SLC9B2: variants seen among roughly 807,000 people sequenced by gnomAD.
The protein encoded by SLC9B2 is sodium/hydrogen exchanger 9B2.
A neutral mutation model predicts 52.2 loss-of-function variants in SLC9B2; 39 were observed. The ratio of observed to expected loss-of-function variants is 0.75; its 90% CI spans 0.58 to 0.98. SLC9B2 has a LOEUF of 0.98. Ranked by LOEUF, SLC9B2 falls within the 50% of genes least tolerant of loss-of-function variation. The pLI is 0.00. For synonymous variants in SLC9B2, 214 were observed against 227.0 expected, an observed-to-expected ratio of 0.94 and a Z score of 0.51; for missense variants, 626 against 637.5, an observed-to-expected ratio of 0.98 and a Z score of 0.19.
chr4:103,066,153 A>C (rs1215752496), intron 3 of SLC9B2, among the ~76,000 whole-genome samples, 174 bp downstream of exon 3: 1 of 152,210 alleles, frequency 6.6e-6, no homozygotes, highest in African/African-American at 2.4e-5. Context: ...CTGTTAGTCT[A>C]GGTCCTTCCC....
intron 4 of SLC9B2, among the ~76,000 whole-genome samples, chr4:103,054,420 G>T (rs115890297): frequency 2.5e-3 from 380 of 152,294 alleles, no homozygotes; most frequent in African/African-American, 8.2e-3. Context: ...ATTAGAATTT[G>T]TATTTTAACA....
intron 1 of SLC9B2, 93 bp from the exon 2 acceptor site, chr4:103,067,685 C>A: frequency 2.8e-6 from 2 of 701,974 alleles, no homozygotes; most frequent in Non-Finnish European, 4.9e-6. Flanking sequence ...CCTAAAAATT[C>A]CGAATGGCTA....
chr4:103,044,004 T>C (rs963014677), intron 8 of SLC9B2, among the ~76,000 whole-genome samples: 2 of 152,200 alleles, frequency 1.3e-5, no homozygotes, highest in African/African-American at 4.8e-5. Flanking sequence ...GCTGTTGTTT[T>C]AAAGTCTAAG....
intron 4 of SLC9B2, among the ~76,000 whole-genome samples, chr4:103,051,990 A>G (rs754603870): frequency 2.0e-5 from 3 of 152,246 alleles, no homozygotes; most frequent in Non-Finnish European, 4.4e-5. Flanking sequence ...GTTTTTCATT[A>G]TAAACAGTGC....
chr4:103,020,398 G>A, downstream of SLC9B2: 1 of 424,034 alleles, frequency 2.4e-6, no homozygotes, highest in Non-Finnish European at 4.6e-6. Context: ...TCCTATAAAA[G>A]ACAAAAACAA....
chr4:103,028,056 TAC>T (rs1742380446), intron 11 of SLC9B2, among the ~76,000 whole-genome samples: 1 of 152,182 alleles, frequency 6.6e-6, no homozygotes. Flanking sequence ...TCATAATCTA[TAC>T]AGTTCTAACT....
chr4:103,047,025 A>AG, intron 7 of SLC9B2, 26 bp downstream of exon 7: 1 of 1,604,970 alleles, frequency 6.2e-7, no homozygotes, highest in South Asian at 1.1e-5. Flanking sequence ...GCAAGAGTAA[A>AG]GCCTGTTGTG....
chr4:103,053,003 G>A (rs1744825544), intron 4 of SLC9B2, among the ~76,000 whole-genome samples: 1 of 152,058 alleles, frequency 6.6e-6, no homozygotes, highest in African/African-American at 2.4e-5. Flanking sequence ...CCCTGGTCAT[G>A]GAGGAAAGAA....
At position 103,076,394 on chromosome 4, in the gene SLC9B2, C is replaced by G. The variant is rs530779745; in HGVS notation, c.-253G>C. ...GTCGGCCCCGCCTTTCGCACGAACC[C>G]GCTGGGCGACACCGCGCAGGGAGGT... is the stretch of plus-strand genomic sequence containing the variant. On this transcript the variant is annotated 5_prime_UTR_variant, in exon 1 of 12. Transcript: ENST00000394785. 1 of 152,452 alleles carries G rather than the reference C, an allele frequency of 6.6e-6. No homozygotes were observed. The highest frequency in any genetic ancestry group is 1.9e-4 in the East Asian group (1 of 5,182). The allele number at this position is 152,452 out of a possible 1,614,324, so 9.4% of individuals were successfully genotyped here. A position where few individuals can be genotyped will look rare whatever the true frequency, so the allele number is the denominator to read the frequency against.
rs1484214703 is a variant in SLC9B2 at position 103,022,581 on chromosome 4, T to G, written c.*3789A>C. Among the ~76,000 whole-genome samples the G allele has an allele frequency of 1.3e-5, 2 of 152,252 alleles. No individual in the cohort carries two copies. The highest frequency in any genetic ancestry group is 2.9e-5 in the Non-Finnish European group (2 of 68,042). On this transcript the variant is annotated 3_prime_UTR_variant, in exon 12 of 12. Transcript: ENST00000394785. Reference sequence around the variant, plus strand: ...TTACTTTATAATCAGAAAAAAATACTATTTTTAAAGAATGTAGTGGATGAG... The same window carrying G: ...TTACTTTATAATCAGAAAAAAATACGATTTTTAAAGAATGTAGTGGATGAG...
chr4:103,028,605 A>G, intron 11 of SLC9B2, 142 bp downstream of exon 11: 1 of 1,047,146 alleles, frequency 9.5e-7, no homozygotes, highest in Non-Finnish European at 1.3e-6. Context: ...CAGGTTTTAA[A>G]GAATAGATTA....
chr4:103,073,830 C>A (rs570936137), intron 1 of SLC9B2, among the ~76,000 whole-genome samples: 1 of 152,296 alleles, frequency 6.6e-6, no homozygotes, highest in Non-Finnish European at 1.5e-5. Context: ...TCTACAGAGA[C>A]CGAATCTACC....
chr4:103,046,937 G>T, intron 7 of SLC9B2, 114 bp downstream of exon 7: 2 of 1,236,424 alleles, frequency 1.6e-6, no homozygotes, highest in Non-Finnish European at 2.3e-6. Flanking sequence ...GTGTTCTTTT[G>T]CCTATTTTTA....
chr4:103,058,922 C>T (rs1745393243), intron 3 of SLC9B2, among the ~76,000 whole-genome samples: 1 of 151,984 alleles, frequency 6.6e-6, no homozygotes, highest in Non-Finnish European at 1.5e-5. Flanking sequence ...TAAAAATTAT[C>T]TGGGTATGGT....
intron 5 of SLC9B2, among the ~76,000 whole-genome samples, chr4:103,049,751 C>T (rs1744498677): frequency 6.6e-6 from 1 of 152,174 alleles, no homozygotes; most frequent in Non-Finnish European, 1.5e-5. Flanking sequence ...GTGGCTCATG[C>T]CTGTAATCCT....
At chr4:103,071,353 A>C (rs1393541403) in intron 1 of SLC9B2, among the ~76,000 whole-genome samples, 1 of 147,668 alleles carries the variant, frequency 6.8e-6, no homozygotes, top group Non-Finnish European at 1.5e-5. Context: ...AGAGGCATGC[A>C]CCACCACGCC....
chr4:103,060,225 T>C (rs901180126), intron 3 of SLC9B2, among the ~76,000 whole-genome samples: 6 of 152,020 alleles, frequency 3.9e-5, no homozygotes, highest in African/African-American at 1.4e-4. Flanking sequence ...AGTTTTCGTA[T>C]CTTTCATCTT....
At chr4:103,059,054 G>A (rs1001261746) in intron 3 of SLC9B2, among the ~76,000 whole-genome samples, 2 of 151,906 alleles carry the variant, frequency 1.3e-5, no homozygotes, top group African/African-American at 2.4e-5. Flanking sequence ...GTTACACAGC[G>A]ATACCCTGCC....
chr4:103,069,481 T>G (rs1414434571), intron 1 of SLC9B2, among the ~76,000 whole-genome samples: 1 of 152,252 alleles, frequency 6.6e-6, no homozygotes, highest in African/African-American at 2.4e-5. Flanking sequence ...GAGACAAGAA[T>G]AGTTCTAACT....
Sources: allele counts gnomAD v4.1 joint callset (sites outside exome capture counted in the v4.1 genomes callset), GRCh38; gene constraint gnomAD v4.1.1; transcripts MANE v1.5; gene names NCBI Gene and HGNC (gene_info 2026-07-23, HGNC 2026-07-21).